The following MRC1 variants were observed in gnomAD, a reference collection of about 807,000 sequenced individuals.
MRC1 encodes the protein macrophage mannose receptor 1.
Under a neutral mutation model 102.9 loss-of-function variants are expected in MRC1, and 62 were observed. The observed-to-expected ratio is 0.60, with a 90% confidence interval of 0.49 to 0.74. The LOEUF is 0.74. MRC1 is among the 30% of genes least tolerant of loss of function. The probability of loss-of-function intolerance (pLI) is 0.00; values close to 1 mark genes in which losing one functional copy is unlikely to be tolerated. For missense variants in MRC1, 1,237 were observed against 862.8 expected, an observed-to-expected ratio of 1.43 and a Z score of -5.43; for synonymous variants, 457 against 298.4, an observed-to-expected ratio of 1.53 and a Z score of -5.48.
In MRC1 at chr10:17,845,292, G is replaced by A. The variant is rs1388045607; in HGVS notation, c.920G>A (p.Ser307Asn). The A allele has an allele frequency of 5.1e-6, 4 of 780,808 alleles. No homozygotes were observed. Among genetic ancestry groups the A allele is most frequent in the Admixed American group, 1.7e-5 (1 of 59,032 alleles). 48.4% of individuals were successfully genotyped at this position (780,808 alleles called of 1,614,324 possible). Residue 307 changes from serine (S) to asparagine (N), a missense_variant, in exon 6 of 30, where the codon AGT becomes AAT. Transcript: ENST00000569591. ...PFRYLNWLPG[S>N]PSAEPGKSCV... ...TAACTTTTCCTTTTCCTCGAAGGAAGTCCATCAGCTGAACCTGGAAAAAGC... is the reference window on the plus strand; with the variant it reads ...TAACTTTTCCTTTTCCTCGAAGGAAATCCATCAGCTGAACCTGGAAAAAGC...
intron 9 of MRC1, among the ~76,000 whole-genome samples, chr10:17,857,624 A>G (rs910856107): frequency 2.6e-5 from 4 of 152,240 alleles, no homozygotes; most frequent in Non-Finnish European, 4.4e-5. Flanking sequence ...TGAAACACAA[A>G]GAGTTTAAAC....
At chr10:17,843,115 C>T (rs1399763140) in intron 5 of MRC1, among the ~76,000 whole-genome samples, 3 of 152,158 alleles carry the variant, frequency 2.0e-5, no homozygotes, top group Non-Finnish European at 4.4e-5. Context: ...CTATGGTAAA[C>T]ATCAAAACCA....
chr10:17,836,251 C>G (rs1164976895), intron 4 of MRC1, among the ~76,000 whole-genome samples: 1 of 152,168 alleles, frequency 6.6e-6, no homozygotes, highest in Non-Finnish European at 1.5e-5. Context: ...TTAAGGAGAC[C>G]GAGGATAGAA....
intron 9 of MRC1, among the ~76,000 whole-genome samples, chr10:17,859,981 A>G (rs1179530808): frequency 6.6e-6 from 1 of 152,130 alleles, no homozygotes; most frequent in Admixed American, 6.5e-5. Flanking sequence ...CCTTTAACCA[A>G]GGGGTTACCG....
intron 4 of MRC1, among the ~76,000 whole-genome samples, chr10:17,839,009 A>T (rs896030761): frequency 2.0e-5 from 3 of 152,144 alleles, no homozygotes; most frequent in Non-Finnish European, 2.9e-5. Context: ...CAAGATTTGA[A>T]TTTTGCTTCT....
In MRC1 at chr10:17,827,372, C is replaced by CAAAAAAAAA. The variant is rs782616938; in HGVS notation, c.464-140_464-132dup. Among the ~76,000 whole-genome samples, 33 of 64,028 alleles carry CAAAAAAAAA rather than the reference C, an allele frequency of 5.2e-4. 11 individuals are homozygous for CAAAAAAAAA. The highest frequency in any genetic ancestry group is 1.1e-3 in the African/African-American group (21 of 19,730). The allele number at this position is 64,028 out of a possible 152,430, so 42.0% of individuals were successfully genotyped here. The stretch of plus-strand genomic sequence containing the variant: ...TAGAAGGAGAAGGAAAAAAAATACC[C>CAAAAAAAAA]AAAAAAAAAAAAAAAAAAAAAAAAA... On this transcript the variant is annotated intron_variant, in intron 2 of 29. Coordinates refer to ENST00000569591, the MANE Select transcript of MRC1 (RefSeq NM_002438.4).
intron 29 of MRC1, among the ~76,000 whole-genome samples, chr10:17,909,871 T>C (rs988023876): frequency 9.9e-5 from 15 of 152,262 alleles, no homozygotes; most frequent in Middle Eastern, 3.4e-3. Context: ...TCATTTCCAT[T>C]TTCTTTTAAT....
intron 5 of MRC1, among the ~76,000 whole-genome samples, chr10:17,841,740 A>ATTTTTT (rs35422170): frequency 7.9e-6 from 1 of 126,736 alleles, no homozygotes; most frequent in African/African-American, 2.9e-5. Context: ...CCCCAGTGCC[A>ATTTTTT]TTTTTTTTTT....
chr10:17,816,419 G>C (rs1838313401), intron 1 of MRC1, among the ~76,000 whole-genome samples: 1 of 152,200 alleles, frequency 6.6e-6, no homozygotes, highest in East Asian at 1.9e-4. Flanking sequence ...GGGCAATGGA[G>C]TGTAGGAGCT....
intron 11 of MRC1, 74 bp downstream of exon 11, chr10:17,863,756 G>T: frequency 1.3e-6 from 1 of 742,240 alleles, no homozygotes; most frequent in Non-Finnish European, 2.5e-6. Flanking sequence ...ATTCCTCCGG[G>T]TATCTCTGCA....
chr10:17,910,084 T>C, intron 29 of MRC1, 131 bp from the exon 30 acceptor site: 1 of 740,132 alleles, frequency 1.4e-6, no homozygotes, highest in African/African-American at 1.7e-5. Flanking sequence ...TTCACATCTT[T>C]CTTTTCTGTT....
At chr10:17,846,341 T>C (rs927111469) in intron 6 of MRC1, among the ~76,000 whole-genome samples, 8 of 123,852 alleles carry the variant, frequency 6.5e-5, no homozygotes, top group Non-Finnish European at 1.4e-4. Context: ...ACAAACTACA[T>C]ATTTTTTATT....
intron 3 of MRC1, 74 bp downstream of exon 3, chr10:17,827,789 C>T (rs1838503472): frequency 1.3e-6 from 1 of 770,386 alleles, no homozygotes; most frequent in Non-Finnish European, 2.4e-6. Context: ...TTGAATTTAT[C>T]TAGAGCATTT....
At chr10:17,835,613 G>T (rs1465493205) in intron 4 of MRC1, among the ~76,000 whole-genome samples, 2 of 152,196 alleles carry the variant, frequency 1.3e-5, no homozygotes, top group Non-Finnish European at 2.9e-5. Context: ...CCCCAAGGAG[G>T]TTCACACAGA....
At chr10:17,865,841 A>G (rs1213132057) in intron 11 of MRC1, among the ~76,000 whole-genome samples, 1 of 152,252 alleles carries the variant, frequency 6.6e-6, no homozygotes, top group Non-Finnish European at 1.5e-5. Flanking sequence ...CCAGAACTTC[A>G]TGAATGACTT....
chr10:17,827,041 C>A (rs1838486766), intron 2 of MRC1, among the ~76,000 whole-genome samples: 1 of 151,778 alleles, frequency 6.6e-6, no homozygotes, highest in African/African-American at 2.4e-5. Flanking sequence ...TCCATGATTC[C>A]AATCAAGAGA....
intron 3 of MRC1, among the ~76,000 whole-genome samples, chr10:17,832,380 C>T (rs1838587757): frequency 6.6e-6 from 1 of 150,464 alleles, no homozygotes; most frequent in Admixed American, 6.6e-5. Context: ...CACCTTGAAA[C>T]CCCGTCTCTA....
chr10:17,838,139 C>G (rs1276269934), intron 4 of MRC1, among the ~76,000 whole-genome samples: 5 of 152,068 alleles, frequency 3.3e-5, no homozygotes, highest in African/African-American at 1.2e-4. Flanking sequence ...GGAATTCAGC[C>G]CTGTCTTCCA....
At chr10:17,873,867 T>G in intron 16 of MRC1, 42 bp downstream of exon 16, 1 of 868,544 alleles carries the variant, frequency 1.2e-6, no homozygotes, top group Non-Finnish European at 2.0e-6. Context: ...CTGATAACCC[T>G]TTCTCCGCCT....
Sources: gnomAD v4.1 joint callset for allele counts (sites outside exome capture counted in the v4.1 genomes callset) on GRCh38, gnomAD v4.1.1 for gene constraint, MANE v1.5 for transcripts, NCBI Gene and HGNC (gene_info 2026-07-23, HGNC 2026-07-21) for gene names.